ANKAR: variants seen among roughly 807,000 people sequenced by gnomAD.
The protein encoded by ANKAR is ankyrin and armadillo repeat containing, also known as ankyrin and armadillo repeat-containing protein.
Under a neutral mutation model 146.2 loss-of-function variants are expected in ANKAR, and 136 were observed. The ratio of observed to expected loss-of-function variants is 0.93; its 90% confidence interval spans 0.81 to 1.07. The LOEUF is 1.07. ANKAR is among the 50% of genes least tolerant of loss of function. ANKAR has a pLI of 0.00. For synonymous variants in ANKAR, 500 were observed against 575.8 expected (o/e 0.87, Z 1.88); for missense variants, 1,567 against 1,679.9 (o/e 0.93, Z 1.18).
chr2:189,717,154 G>A lies in ANKAR; in HGVS notation c.2225-2418G>A, dbSNP rs577512687. Among the ~76,000 whole-genome samples, 5 of 152,212 alleles carry A rather than the reference G, an allele frequency of 3.3e-5. No individual in the cohort carries two copies. The East Asian group carries it at 9.7e-4, about 29-fold the overall frequency. On this transcript the variant is annotated intron_variant, in intron 10 of 22. Transcript: ENST00000684021. Reference sequence around the variant, plus strand: ...AAACTACCATCAGATTGAACAGGCAGCCTACAGAATGGGAGAAAATTTTTG... The same window carrying A: ...AAACTACCATCAGATTGAACAGGCAACCTACAGAATGGGAGAAAATTTTTG...
At position 189,719,610 on chromosome 2, in the gene ANKAR, A is replaced by G. The variant is rs2041000953; in HGVS notation, c.2263A>G (p.Lys755Glu). 2.5e-6 allele frequency: 4 copies of G among 1,613,186 alleles called. No individual in the cohort carries two copies. The highest frequency in any genetic ancestry group is 3.3e-5 in the Admixed American group (2 of 59,994). ...CTTAATCAATCTATTAAAAAGTTCCAAAATAAAACTGCAGTGCAAAACTGT... is the reference window on the plus strand; with the variant it reads ...CTTAATCAATCTATTAAAAAGTTCCGAAATAAAACTGCAGTGCAAAACTGT... The part of the protein sequence containing the change: ...PALINLLKSS[K>E]IKLQCKTVGL... Residue 755 changes from lysine (K) to glutamate (E), a missense_variant, in exon 11 of 23, where the codon AAA (lysine) becomes GAA (glutamate). Physicochemically the swap from Lys to Glu is moderately conservative, Grantham distance 56 (BLOSUM62 1). Coordinates refer to ENST00000684021, the MANE Select transcript of ANKAR (RefSeq NM_001378068.1).
chr2:189,697,080 T>C (rs1190170038), intron 7 of ANKAR, among the ~76,000 whole-genome samples: 1 of 151,890 alleles, frequency 6.6e-6, no homozygotes, highest in African/African-American at 2.4e-5. Context: ...CCTCCATAAC[T>C]GGAAAGGAAA....
In ANKAR at chr2:189,727,901, G is replaced by A. The variant is rs757357867; in HGVS notation, c.2681G>A (p.Arg894His). ...VSSAAIAEVG[R>H]DNKEIQDAIA... ...TCTGCTGCAATTGCTGAGGTTGGGC[G>A]TGACAATAAGGAAATTCAGGATGCT... is the stretch of plus-strand genomic sequence containing the variant. Residue 894 changes from arginine to histidine, a missense_variant, in exon 13 of 23, where the codon CGT becomes CAT. Arg to His is a conservative substitution (Grantham distance 29). Coordinates refer to ENST00000684021, the MANE Select transcript of ANKAR (RefSeq NM_001378068.1). 8 of 1,614,000 alleles carry A rather than the reference G, an allele frequency of 5.0e-6. No homozygotes were observed. Among genetic ancestry groups the A allele is most frequent in the East Asian group, 4.5e-5 (2 of 44,864 alleles).
chr2:189,733,301 A>G lies in ANKAR; in HGVS notation c.3423+72A>G, dbSNP rs16831928. The G allele has an allele frequency of 1.9e-3, 2,509 of 1,288,404 alleles. 43 individuals are homozygous for G. In the African/African-American group the frequency reaches 0.034, roughly 17 times the overall value. The allele number at this position is 1,288,404 out of a possible 1,614,324, so 79.8% of individuals were successfully genotyped here. The stretch of plus-strand genomic sequence containing the variant: ...TTTATACCACATCTTCAAATTATCA[A>G]GTCTTCTTCATGGCAATATTCAATG... On this transcript the variant is annotated intron_variant, in intron 17 of 22. Coordinates refer to ENST00000684021, the MANE Select transcript of ANKAR (RefSeq NM_001378068.1).
At chr2:189,751,890 C>T (rs1021382841) in intron 18 of ANKAR, among the ~76,000 whole-genome samples, 1 of 151,660 alleles carries the variant, frequency 6.6e-6, no homozygotes, top group South Asian at 2.1e-4. Flanking sequence ...TCACACCTGT[C>T]ATCCCAGCAT....
intron 11 of ANKAR, among the ~76,000 whole-genome samples, chr2:189,720,312 A>G (rs1256040807): frequency 6.6e-6 from 1 of 151,942 alleles, no homozygotes; most frequent in African/African-American, 2.4e-5. Flanking sequence ...CAATGGTGCA[A>G]TCTTGGCTCA....
At chr2:189,690,253 G>A (rs368128065) in intron 3 of ANKAR, among the ~76,000 whole-genome samples, 2 of 152,238 alleles carry the variant, frequency 1.3e-5, no homozygotes, top group East Asian at 3.9e-4. Context: ...AAAACACTGT[G>A]AATGTATCAT....
chr2:189,724,735 T>C (rs989884034), intron 12 of ANKAR, among the ~76,000 whole-genome samples: 2 of 152,156 alleles, frequency 1.3e-5, no homozygotes, highest in South Asian at 2.1e-4. Flanking sequence ...TTAACCTTGA[T>C]AGTATATGAA....
chr2:189,691,987 T>A (rs1057330328), intron 3 of ANKAR, among the ~76,000 whole-genome samples: 1 of 152,022 alleles, frequency 6.6e-6, no homozygotes, highest in Admixed American at 6.6e-5. Context: ...GTCTTGAACT[T>A]CTAGGCTCAA....
At chr2:189,762,766 A>AGCC, downstream of ANKAR, 1 of 985,510 alleles carries the variant, frequency 1.0e-6, no homozygotes, top group Non-Finnish European at 1.2e-6. Context: ...TGCAGGAGAA[A>AGCC]GCCCGAACCT....
Position 189,712,388 on chromosome 2 carries a change from G to A in ANKAR, c.2224+1235G>A, listed in dbSNP as rs188404298. ...ATACAGGCGGGTGCCCCTCTGGGACGAAGCTTCCAAAGGAATGATCAGGCA... is the reference window on the plus strand; with the variant it reads ...ATACAGGCGGGTGCCCCTCTGGGACAAAGCTTCCAAAGGAATGATCAGGCA... On this transcript the variant is annotated intron_variant, in intron 10 of 22. Transcript: ENST00000684021. Among the ~76,000 whole-genome samples the A allele has an allele frequency of 5.9e-5, 9 of 152,260 alleles. 1 individual carries two copies. The East Asian group carries it at 1.5e-3, about 26-fold the overall frequency.
At chr2:189,707,775 C>G (rs1323383095) in intron 9 of ANKAR, among the ~76,000 whole-genome samples, 1 of 151,922 alleles carries the variant, frequency 6.6e-6, no homozygotes, top group Non-Finnish European at 1.5e-5. Context: ...AGAAGACAAG[C>G]ATTCAAGGGA....
intron 15 of ANKAR, 37 bp from the exon 16 acceptor site, chr2:189,730,458 G>A: frequency 1.5e-6 from 2 of 1,340,404 alleles, no homozygotes; most frequent in Non-Finnish European, 2.1e-6. Flanking sequence ...TTGTAAGATG[G>A]AAAAAAATAT....
chr2:189,690,319 TA>T (rs1349930117), intron 3 of ANKAR, among the ~76,000 whole-genome samples: 1 of 152,218 alleles, frequency 6.6e-6, no homozygotes, highest in Non-Finnish European at 1.5e-5. Flanking sequence ...ATCCTGATGA[TA>T]TTTTTCATTG....
chr2:189,685,799 C>T (rs1164979835), intron 2 of ANKAR, among the ~76,000 whole-genome samples: 1 of 152,164 alleles, frequency 6.6e-6, no homozygotes, highest in Non-Finnish European at 1.5e-5. Flanking sequence ...CTTGGTTCAG[C>T]ACTCAGACTC....
chr2:189,692,972 TAAAA>T, intron 4 of ANKAR, 98 bp from the exon 5 acceptor site: 1 of 587,960 alleles, frequency 1.7e-6, no homozygotes. Context: ...ATAGTAAATT[TAAAA>T]TTTGTCATTT....
At chr2:189,696,931 C>G (rs2037303471) in intron 7 of ANKAR, among the ~76,000 whole-genome samples, 1 of 151,942 alleles carries the variant, frequency 6.6e-6, no homozygotes, top group East Asian at 1.9e-4. Flanking sequence ...TAATGTTTAG[C>G]ATTAATAGCC....
chr2:189,725,982 C>T (rs2041839905), intron 12 of ANKAR, among the ~76,000 whole-genome samples: 2 of 152,092 alleles, frequency 1.3e-5, no homozygotes. Context: ...CTGATAACAA[C>T]TGGATAAACA....
At chr2:189,692,656 C>T in intron 4 of ANKAR, 1 of 367,450 alleles carries the variant, frequency 2.7e-6, no homozygotes, top group African/African-American at 2.1e-5. Context: ...ATCTATCACC[C>T]TCACAGAATT....
Sources: gnomAD v4.1 joint callset for allele counts (sites outside exome capture counted in the v4.1 genomes callset) on GRCh38, gnomAD v4.1.1 for gene constraint, MANE v1.5 for transcripts, NCBI Gene and HGNC (gene_info 2026-07-23, HGNC 2026-07-21) for gene names.